Variants in DNAH7 observed in about 807,000 individuals in gnomAD.
DNAH7 encodes the protein axonemal beta dynein heavy chain 7.
A neutral mutation model predicts 444.6 loss-of-function variants in DNAH7; 397 were observed. The observed-to-expected ratio is 0.89, with a 90% CI of 0.82 to 0.97. The LOEUF (loss-of-function observed/expected upper bound fraction) is 0.97, where lower values mean the gene tolerates loss of function less well. Ranked by LOEUF, DNAH7 falls within the 50% of genes least tolerant of loss-of-function variation. DNAH7 has a pLI of 0.00. For missense variants in DNAH7, 4,902 were observed against 4,800.8 expected, an observed-to-expected ratio of 1.02 and a Z score of -0.62; for synonymous variants, 1,636 against 1,624.4, an observed-to-expected ratio of 1.01 and a Z score of -0.17.
chr2:195,759,482 A>C (rs1478366595), intron 61 of DNAH7, among the ~76,000 whole-genome samples: 1 of 152,092 alleles, frequency 6.6e-6, no homozygotes, highest in African/African-American at 2.4e-5. Context: ...CTTGGTGGCT[A>C]CCAGGAGAGA....
intron 48 of DNAH7, among the ~76,000 whole-genome samples, chr2:195,827,419 A>T (rs986534042): frequency 6.6e-6 from 1 of 151,752 alleles, no homozygotes; most frequent in Admixed American, 6.6e-5. Flanking sequence ...CTGGGACTAC[A>T]GGTGGGTACC....
chr2:195,941,866 G>T (rs1689474117), intron 19 of DNAH7, among the ~76,000 whole-genome samples: 1 of 152,076 alleles, frequency 6.6e-6, no homozygotes, highest in South Asian at 2.1e-4. Context: ...AAATCTCAGG[G>T]CCCATTTGCC....
At chr2:195,945,151 C>T (rs1221925099) in intron 19 of DNAH7, among the ~76,000 whole-genome samples, 5 of 152,000 alleles carry the variant, frequency 3.3e-5, no homozygotes, top group African/African-American at 1.2e-4. Context: ...CAGTGCAGAA[C>T]CCTTCTACAT....
chr2:195,761,459 A>G (rs1397711509), intron 61 of DNAH7, among the ~76,000 whole-genome samples: 1 of 152,178 alleles, frequency 6.6e-6, no homozygotes, highest in African/African-American at 2.4e-5. Context: ...AAACCTAGAG[A>G]ATGATATCAA....
intron 21 of DNAH7, among the ~76,000 whole-genome samples, chr2:195,931,309 A>G (rs1391583934): frequency 6.6e-6 from 1 of 152,082 alleles, no homozygotes; most frequent in Non-Finnish European, 1.5e-5. Flanking sequence ...TTCATTGTAG[A>G]TTCTGGATAT....
rs199861194 is a variant in DNAH7, at chr2:195,864,739, T to C, written c.6916A>G (p.Ile2306Val). The C allele has an allele frequency of 1.5e-5, 24 of 1,614,260 alleles. No homozygotes were observed. Among genetic ancestry groups the C allele is most frequent in the East Asian group, 2.2e-5 (1 of 44,890 alleles). The change falls in exon 41 of 65, where the codon ATA becomes GTA. Residue 2306 changes from isoleucine to valine, a missense_variant. Physicochemically the swap from Ile to Val is conservative, Grantham distance 29. Coordinates refer to ENST00000312428, the MANE Select transcript of DNAH7 (RefSeq NM_018897.3). ...VEIHLEEYNN[I>V]SKKPMNLVLF... Reference sequence around the variant, plus strand: ...ACAAGGTTCATGGGTTTTTTGCTTATATTGTTGTATTCTTCTAGGTGAATT... The same window carrying C: ...ACAAGGTTCATGGGTTTTTTGCTTACATTGTTGTATTCTTCTAGGTGAATT...
intron 12 of DNAH7, chr2:195,994,609 T>C (rs892702627): frequency 1.4e-5 from 7 of 493,906 alleles, no homozygotes; most frequent in Middle Eastern, 3.3e-4. Context: ...TAAACCTCAA[T>C]TGGTCCTTGG....
intron 1 of DNAH7, chr2:196,063,514 A>G (rs1698248472): frequency 1.3e-5 from 2 of 152,206 alleles, no homozygotes; most frequent in African/African-American, 4.8e-5. Context: ...TGTCTGCCCA[A>G]CTGAATTTGT....
chr2:195,872,819 C>T (rs2125131309), intron 39 of DNAH7, among the ~76,000 whole-genome samples: 1 of 152,026 alleles, frequency 6.6e-6, no homozygotes, highest in South Asian at 2.1e-4. Flanking sequence ...TCTTTCATTC[C>T]CTGGCATTCT....
chr2:195,951,918 T>C (rs1357012452), intron 19 of DNAH7, among the ~76,000 whole-genome samples: 1 of 152,236 alleles, frequency 6.6e-6, no homozygotes, highest in Non-Finnish European at 1.5e-5. Context: ...TTGGGGCATT[T>C]AGCCTGCTTA....
At position 196,068,790 on chromosome 2, in the gene DNAH7, G is replaced by A; in HGVS notation, c.-79C>T. 6.6e-7 allele frequency: 1 copy of A among 1,519,876 alleles called. No individual in the cohort carries two copies. The highest frequency in any genetic ancestry group is 1.4e-5 in the African/African-American group (1 of 72,338). The allele number at this position is 1,519,876 out of a possible 1,614,324, so 94.1% of individuals were successfully genotyped here. Reference sequence around the variant, plus strand: ...GAACCCCTAGGACGATAGAGGCAGGGCCCCGGGACTTGCAGCGGTCTCAGC... The same window carrying A: ...GAACCCCTAGGACGATAGAGGCAGGACCCCGGGACTTGCAGCGGTCTCAGC... On this transcript the variant is annotated 5_prime_UTR_variant, in exon 1 of 65. Coordinates refer to ENST00000312428, the MANE Select transcript of DNAH7 (RefSeq NM_018897.3).
At chr2:195,748,843 G>T (rs1447846016) in intron 63 of DNAH7, among the ~76,000 whole-genome samples, 2 of 152,116 alleles carry the variant, frequency 1.3e-5, no homozygotes, top group East Asian at 3.8e-4. Context: ...ATTCAAGATG[G>T]ATTAAAGACT....
chr2:196,001,762 G>T lies in DNAH7; in HGVS notation c.1086C>A (p.Asn362Lys). Reference sequence around the variant, plus strand: ...GTAAAGTCATAAGTGCAGCAGCACAGTTGAAAAAAGATTCCAATTTGGCAC... The same window carrying T: ...GTAAAGTCATAAGTGCAGCAGCACATTTGAAAAAAGATTCCAATTTGGCAC... Reference protein sequence around the residue: ...DSSAKLESFFNCAAALMTLQL... With the variant: ...DSSAKLESFFKCAAALMTLQL... The change falls in exon 11 of 65, where the codon AAC (asparagine) becomes AAA (lysine). Residue 362 changes from asparagine to lysine, a missense_variant. Asn to Lys is a moderately conservative substitution (Grantham distance 94, BLOSUM62 0). Transcript: ENST00000312428. 6.2e-7 allele frequency: 1 copy of T among 1,612,976 alleles called. No homozygotes were observed. The highest frequency in any genetic ancestry group is 8.5e-7 in the Non-Finnish European group (1 of 1,179,484).
At chr2:195,950,208 G>T (rs534580130) in intron 19 of DNAH7, among the ~76,000 whole-genome samples, 1 of 152,024 alleles carries the variant, frequency 6.6e-6, no homozygotes, top group African/African-American at 2.4e-5. Context: ...TCCTCTGGTA[G>T]AATTCGGCTG....
Position 195,822,783 on chromosome 2 carries a change from TAA to T in DNAH7, c.9291+1470_9291+1471del, listed in dbSNP as rs1697534246. Among the ~76,000 whole-genome samples the T allele has an allele frequency of 5.3e-5, 8 of 152,330 alleles. No individual in the cohort carries two copies. In the South Asian group the frequency reaches 1.7e-3, roughly 32 times the overall value. ...TAGTTCCACGTATTTTACTGAACAG[TAA>T]AAAAGGTTTTCCATGTCATTTACTT... On this transcript the variant is annotated intron_variant, in intron 49 of 64. Transcript: ENST00000312428.
At position 195,737,835 on chromosome 2, in the gene DNAH7, CA is replaced by C. The variant is rs890091945; in HGVS notation, c.*85del. On this transcript the variant is annotated 3_prime_UTR_variant, in exon 65 of 65. Transcript: ENST00000312428. ...CTTTAGTCAAATGTATTTAAACAAA[CA>C]AAAAAAAAGGTTTAAGTAGTAAAAT... 1,714 of 1,181,182 alleles carry C rather than the reference CA, an allele frequency of 1.5e-3. 1 individual carries two copies. Among genetic ancestry groups the C allele is most frequent in the African/African-American group, 7.6e-3 (480 of 63,020 alleles). 73.2% of individuals were successfully genotyped at this position (1,181,182 alleles called of 1,614,324 possible). A position where few individuals can be genotyped will look rare whatever the true frequency, so the allele number is the denominator to read the frequency against.
At chr2:196,025,388 AC>A (rs1695619726) in intron 7 of DNAH7, among the ~76,000 whole-genome samples, 1 of 152,124 alleles carries the variant, frequency 6.6e-6, no homozygotes, top group South Asian at 2.1e-4. Context: ...CCCCTTCCCT[AC>A]AATCTTTCAG....
In DNAH7 at chr2:196,039,871, A is replaced by C. The variant is rs191131363; in HGVS notation, c.398+7481T>G. 5.4e-4 allele frequency among the ~76,000 whole-genome samples: 82 copies of C among 152,088 alleles called. 1 individual carries two copies. Among genetic ancestry groups the C allele is most frequent in the Non-Finnish European group, 2.9e-5 (2 of 67,972 alleles). The stretch of plus-strand genomic sequence containing the variant: ...ATAAAATTGACAAACCACTAACTAG[A>C]CTAAGAAAAAATCATTAAAGACTAT... On this transcript the variant is annotated intron_variant, in intron 5 of 64. Transcript: ENST00000312428.
rs1694068132 is a variant in DNAH7, at chr2:195,756,262, A to T, written c.11457T>A (p.Asp3819Glu). ...AIKGLAVMST[D>E]LEEVVSSILN... is the part of the protein sequence containing the mutation. Reference sequence around the variant, plus strand: ...AAATGCTGCTAACCACTTCTTCAAGATCTGTAGACATGACTGCAAGCCCCT... The same window carrying T: ...AAATGCTGCTAACCACTTCTTCAAGTTCTGTAGACATGACTGCAAGCCCCT... The change falls in exon 62 of 65, where the codon GAT (aspartate) becomes GAA (glutamate). Residue 3819 changes from aspartate (D) to glutamate (E), a missense_variant. Asp to Glu is a conservative substitution (Grantham distance 45). Coordinates refer to ENST00000312428, the MANE Select transcript of DNAH7 (RefSeq NM_018897.3). 2 of 1,612,790 alleles carry T rather than the reference A, an allele frequency of 1.2e-6. No homozygotes were observed. Among genetic ancestry groups the T allele is most frequent in the East Asian group, 2.2e-5 (1 of 44,844 alleles).
Sources: gnomAD v4.1 joint callset for allele counts (sites outside exome capture counted in the v4.1 genomes callset) on GRCh38, gnomAD v4.1.1 for gene constraint, MANE v1.5 for transcripts, NCBI Gene and HGNC (gene_info 2026-07-23, HGNC 2026-07-21) for gene names.